Variants in PC observed in about 807,000 individuals in gnomAD.
PC encodes the protein pyruvate carboxylase, also known as pyruvate carboxylase, mitochondrial.
Under a neutral mutation model 107.8 loss-of-function variants are expected in PC, and 46 were observed. That is an observed-to-expected ratio of 0.43 (90% CI 0.34 to 0.55). The LOEUF is 0.55. Ranked by LOEUF, PC falls within the 20% of genes least tolerant of loss-of-function variation. The probability of loss-of-function intolerance (pLI) is 0.04; values close to 1 mark genes in which losing one functional copy is unlikely to be tolerated. For synonymous variants in PC, 662 were observed against 684.7 expected (o/e 0.97, Z 0.52); for missense variants, 1,241 against 1,643.1 (o/e 0.76, Z 4.23).
chr11:66,856,420 C>T (rs1430260230), intron 12 of PC, among the ~76,000 whole-genome samples: 1 of 130,120 alleles, frequency 7.7e-6, no homozygotes, highest in Non-Finnish European at 1.6e-5. Context: ...CAGGGCGGGG[C>T]GGCGGGGGCG....
intron 3 of PC, among the ~76,000 whole-genome samples, chr11:66,886,296 C>T (rs962060349): frequency 6.6e-6 from 1 of 152,054 alleles, no homozygotes; most frequent in Non-Finnish European, 1.5e-5. Flanking sequence ...CTGGCGTGGC[C>T]CGCTGAGGCA....
intron 18 of PC, 60 bp from the exon 19 acceptor site, chr11:66,850,524 G>A: frequency 3.1e-6 from 5 of 1,611,228 alleles, no homozygotes; most frequent in Non-Finnish European, 4.2e-6. Flanking sequence ...CAGGACCCAG[G>A]GCTAGCTCAG....
rs1427675636 is a variant in PC, at chr11:66,947,443, T to C, written c.-1+4987A>G. ...CTAAAAATACAAAAACAAAATTAGC[T>C]GGGTGTGGTGGTGGGTGCCTGTAGT... is the stretch of plus-strand genomic sequence containing the variant. On this transcript the variant is annotated intron_variant, in intron 3 of 22. Coordinates refer to ENST00000393960, the MANE Select transcript of PC (RefSeq NM_001040716.2). Among the ~76,000 whole-genome samples the C allele has an allele frequency of 2.0e-5, 3 of 151,156 alleles. No individual in the cohort carries two copies. The East Asian group carries it at 5.9e-4, about 29-fold the overall frequency.
intron 12 of PC, among the ~76,000 whole-genome samples, chr11:66,853,710 C>G (rs564724980): frequency 6.6e-6 from 1 of 152,374 alleles, no homozygotes; most frequent in African/African-American, 2.4e-5. Context: ...ACCCTTGCCC[C>G]TCGTCCACGC....
Position 66,858,266 on chromosome 11 carries a change from C to G in PC, c.1369-4883G>C, listed in dbSNP as rs774993051. On this transcript the variant is annotated intron_variant, in intron 12 of 22. Transcript: ENST00000393960. This position sits in a 1 kb window ranked among gnomAD's most constrained non-coding sequence, Gnocchi z 5.9. Reference sequence around the variant, plus strand: ...GCGCCATGCCTGCCCTGCACACCCTCAACCTGGACCATAACCTTATTGACG... The same window carrying G: ...GCGCCATGCCTGCCCTGCACACCCTGAACCTGGACCATAACCTTATTGACG... 12 of 1,612,192 alleles carry G rather than the reference C, an allele frequency of 7.4e-6. No individual in the cohort carries two copies. Among genetic ancestry groups the G allele is most frequent in the Non-Finnish European group, 1.0e-5 (12 of 1,179,942 alleles).
rs191508579 is a variant in PC, at chr11:66,895,651, T to C, written c.1-23492A>G. On this transcript the variant is annotated intron_variant, in intron 3 of 22. Coordinates refer to ENST00000393960, the MANE Select transcript of PC (RefSeq NM_001040716.2). The stretch of plus-strand genomic sequence containing the variant: ...ACAAAGCAATAGAAAGGTTGAAAGA[T>C]AAAAGGAAATCTTCTAGAAACTGAA... 1.9e-3 allele frequency among the ~76,000 whole-genome samples: 292 copies of C among 151,806 alleles called. 4 individuals carry two copies. In the South Asian group the frequency reaches 0.029, roughly 15 times the overall value.
intron 3 of PC, among the ~76,000 whole-genome samples, chr11:66,927,697 T>C (rs1479581896): frequency 6.9e-6 from 1 of 144,374 alleles, no homozygotes; most frequent in Non-Finnish European, 1.5e-5. Context: ...CACTCCAGCC[T>C]GGGCAACAAG....
chr11:66,942,960 G>A (rs1279603418), intron 3 of PC, among the ~76,000 whole-genome samples: 1 of 151,250 alleles, frequency 6.6e-6, no homozygotes, highest in Non-Finnish European at 1.5e-5. Context: ...AGGTTGCGGT[G>A]AGCCAAGATC....
intron 11 of PC, 108 bp from the exon 12 acceptor site, chr11:66,864,064 G>A: frequency 3.6e-6 from 4 of 1,109,748 alleles, no homozygotes; most frequent in Non-Finnish European, 5.4e-6. Context: ...TGAGAGCAGA[G>A]CGTGGGGTGT....
At chr11:66,947,904 A>T (rs1284925840) in intron 3 of PC, among the ~76,000 whole-genome samples, 1 of 150,662 alleles carries the variant, frequency 6.6e-6, no homozygotes, top group Non-Finnish European at 1.5e-5. Context: ...CAGAGGTTGC[A>T]GTGAGCCGAG....
rs1045291428 is a variant in PC at position 66,866,516 on chromosome 11, C to T, written c.1023-167G>A. Among the ~76,000 whole-genome samples, 1 of 152,182 alleles carries T rather than the reference C, an allele frequency of 6.6e-6. No individual in the cohort carries two copies. The highest frequency in any genetic ancestry group is 6.5e-5 in the Admixed American group (1 of 15,286). ...GCCGGTTCCTCCCAACCAGTGGCTCCACCAGCCCCTGCCCTGCTCCCGCCG... is the reference window on the plus strand; with the variant it reads ...GCCGGTTCCTCCCAACCAGTGGCTCTACCAGCCCCTGCCCTGCTCCCGCCG... On this transcript the variant is annotated intron_variant, in intron 10 of 22. Coordinates refer to ENST00000393960, the MANE Select transcript of PC (RefSeq NM_001040716.2). This position sits in a 1 kb window ranked among gnomAD's most constrained non-coding sequence, Gnocchi z 5.4.
At chr11:66,878,138 C>G (rs1325083595) in intron 3 of PC, among the ~76,000 whole-genome samples, 1 of 152,156 alleles carries the variant, frequency 6.6e-6, no homozygotes. Flanking sequence ...GCCTAGCACC[C>G]TCCCCCTCCT....
chr11:66,930,186 AG>A (rs1565293745), intron 3 of PC, among the ~76,000 whole-genome samples: 1 of 141,778 alleles, frequency 7.1e-6, no homozygotes, highest in African/African-American at 3.1e-5. Context: ...GAAAAACAAA[AG>A]CAGGTAGAAA....
In PC at chr11:66,858,070, T is replaced by G. The variant is rs761704963; in HGVS notation, c.1369-4687A>C. 6.2e-7 allele frequency: 1 copy of G among 1,609,574 alleles called. No individual in the cohort carries two copies. Among genetic ancestry groups the G allele is most frequent in the South Asian group, 1.1e-5 (1 of 91,042 alleles). Reference sequence around the variant, plus strand: ...CTCCACCTTGACGGCAACAGGCTGGTGGAGCTGGGCACCGGGAGCCTCCGG... The same window carrying G: ...CTCCACCTTGACGGCAACAGGCTGGGGGAGCTGGGCACCGGGAGCCTCCGG... On this transcript the variant is annotated intron_variant, in intron 12 of 22. Transcript: ENST00000393960. This position sits in a 1 kb window ranked among gnomAD's most constrained non-coding sequence, Gnocchi z 5.9.
At chr11:66,895,888 C>T (rs1412278910) in intron 3 of PC, among the ~76,000 whole-genome samples, 1 of 152,144 alleles carries the variant, frequency 6.6e-6, no homozygotes, top group Non-Finnish European at 1.5e-5. Flanking sequence ...AACAGATGAA[C>T]ACAGGCCTAC....
chr11:66,943,970 CA>C (rs145566931), intron 3 of PC, among the ~76,000 whole-genome samples: 49,042 of 99,864 alleles, frequency 0.49, 9,535 homozygotes, highest in Middle Eastern at 0.56. Flanking sequence ...GAAACTGTCT[CA>C]AAAAAAAAAA....
In PC at chr11:66,941,740, C is replaced by A. The variant is rs568011510; in HGVS notation, c.-1+10690G>T. On this transcript the variant is annotated intron_variant, in intron 3 of 22. Transcript: ENST00000393960. The stretch of plus-strand genomic sequence containing the variant: ...ATCTCCTGACCTCGTGATCTGCCTG[C>A]CTCGGCCTCCCAAAGTGCTGGGATT... 1.1e-4 allele frequency among the ~76,000 whole-genome samples: 17 copies of A among 152,216 alleles called. No individual in the cohort carries two copies. The South Asian group carries it at 3.5e-3, about 32-fold the overall frequency.
At chr11:66,908,685 T>C (rs1948241080) in intron 3 of PC, among the ~76,000 whole-genome samples, 1 of 152,162 alleles carries the variant, frequency 6.6e-6, no homozygotes, top group African/African-American at 2.4e-5. Flanking sequence ...GTCGGAGGTC[T>C]TGCATGGTTC....
Position 66,868,964 on chromosome 11 carries a change from C to A in PC, c.904G>T (p.Val302Leu). Reference protein sequence around the residue: ...TSDSVKLAKQVGYENAGTVEF... With the variant: ...TSDSVKLAKQLGYENAGTVEF... ...ACGGTGCCTGCGTTCTCGTAGCCCA[C>A]CTGTGGGGGCGGCCACGTGAGCAGG... The change falls in exon 10 of 23, where the codon GTG becomes TTG. Residue 302 changes from valine to leucine, a missense_variant and splice_region_variant. Val to Leu is a conservative substitution (Grantham distance 32). Around this residue, in one of 2 missense-constraint regions of PC, gnomAD observed 1,143 missense variants for 1,551.9 expected, o/e 0.74. Transcript: ENST00000393960. The A allele has an allele frequency of 6.2e-7, 1 of 1,612,678 alleles. No homozygotes were observed. Among genetic ancestry groups the A allele is most frequent in the Non-Finnish European group, 8.5e-7 (1 of 1,179,028 alleles).
Sources: allele counts gnomAD v4.1 joint callset (sites outside exome capture counted in the v4.1 genomes callset), GRCh38; gene constraint gnomAD v4.1.1; regional missense constraint gnomAD v4.1.1; non-coding constraint Gnocchi (gnomAD v3.1); transcripts MANE v1.5; gene names NCBI Gene and HGNC (gene_info 2026-07-23, HGNC 2026-07-21).